Variants in NLRP3 observed in about 807,000 individuals in gnomAD.
NLRP3 encodes NACHT, LRR and PYD domains-containing protein 3.
NLRP3 carries 48 observed loss-of-function variants against 91.3 expected under a neutral mutation model. The ratio of observed to expected loss-of-function variants is 0.53; its 90% confidence interval spans 0.42 to 0.67. The LOEUF (loss-of-function observed/expected upper bound fraction) is 0.67. Ranked by LOEUF, NLRP3 falls within the 30% of genes least tolerant of loss-of-function variation. The pLI is 0.00. For missense variants in NLRP3, 982 were observed against 1,276.9 expected (o/e 0.77, Z 3.52); for synonymous variants, 561 against 507.9 (o/e 1.10, Z -1.41).
At chr1:247,416,997 G>T (rs1277034610) in intron 1 of NLRP3, among the ~76,000 whole-genome samples, 1 of 152,176 alleles carries the variant, frequency 6.6e-6, no homozygotes, top group Non-Finnish European at 1.5e-5. Context: ...AAGCCAACTT[G>T]TTCATCCATC....
chr1:247,433,228 AAG>A (rs1663477540), intron 5 of NLRP3, among the ~76,000 whole-genome samples: 2 of 152,024 alleles, frequency 1.3e-5, no homozygotes, highest in Non-Finnish European at 2.9e-5. Flanking sequence ...AAGAAAAGAA[AAG>A]AAAAAGAATC....
intron 4 of NLRP3, among the ~76,000 whole-genome samples, chr1:247,427,364 G>T (rs1051952698): frequency 9.9e-5 from 15 of 152,246 alleles, no homozygotes; most frequent in Non-Finnish European, 1.5e-4. Flanking sequence ...GTAAGACAGA[G>T]AGAAAAGTAG....
intron 7 of NLRP3, among the ~76,000 whole-genome samples, chr1:247,443,576 G>T (rs77331373): frequency 1.6e-5 from 1 of 61,318 alleles, no homozygotes; most frequent in Non-Finnish European, 4.2e-5. Flanking sequence ...AAAAAAAAAA[G>T]GCCCCTGCAG....
chr1:247,441,624 G>A (rs113683562), intron 7 of NLRP3, among the ~76,000 whole-genome samples: 11 of 152,000 alleles, frequency 7.2e-5, no homozygotes, highest in African/African-American at 2.7e-4. Flanking sequence ...CAAGATATCC[G>A]TGCTTGGTAA....
chr1:247,444,565 A>G, intron 8 of NLRP3, 86 bp from the exon 9 acceptor site: 1 of 1,471,506 alleles, frequency 6.8e-7, no homozygotes, highest in Non-Finnish European at 9.5e-7. Flanking sequence ...TTCCACCTGA[A>G]ACAAGACAGG....
intron 6 of NLRP3, 138 bp downstream of exon 6, chr1:247,434,411 G>A (rs1572201554): frequency 1.2e-6 from 1 of 869,310 alleles, no homozygotes; most frequent in Non-Finnish European, 1.9e-6. Flanking sequence ...CTTGTCTTGG[G>A]GTGTCTAGCA....
chr1:247,429,771 T>C lies in NLRP3; in HGVS notation c.2321+16T>C, dbSNP rs748309910. Reference sequence around the variant, plus strand: ...GGAGATTGTGGTGAGTCCCCGTGCATGTGATCTGTGTGAGTGCAAGTTCAT... The same window carrying C: ...GGAGATTGTGGTGAGTCCCCGTGCACGTGATCTGTGTGAGTGCAAGTTCAT... On this transcript the variant is annotated intron_variant, in intron 5 of 9. Coordinates refer to ENST00000336119, the MANE Select transcript of NLRP3 (RefSeq NM_001243133.2). 8.7e-6 allele frequency: 14 copies of C among 1,612,884 alleles called. No individual in the cohort carries two copies. Among genetic ancestry groups the C allele is most frequent in the Middle Eastern group, 1.9e-4 (1 of 5,230 alleles).
rs1572167035 is a variant in NLRP3 at position 247,423,860 on chromosome 1, G to T, written c.411G>T (p.Lys137Asn). The T allele has an allele frequency of 6.2e-7, 1 of 1,613,910 alleles. No homozygotes were observed. Among genetic ancestry groups the T allele is most frequent in the Admixed American group, 1.7e-5 (1 of 60,000 alleles). ...TCTTTGCCGTAGATTACCGTAAGAA[G>T]TACAGAAAGTACGTGAGAAGCAGAT... is the stretch of plus-strand genomic sequence containing the variant. ...ICKMKKDYRK[K>N]YRKYVRSRFQ... Residue 137 changes from lysine to asparagine, a missense_variant, in exon 4 of 10, where the codon AAG (lysine) becomes AAT (asparagine). Transcript: ENST00000336119.
chr1:247,419,302 T>G (rs1662290086), intron 2 of NLRP3, among the ~76,000 whole-genome samples: 1 of 151,868 alleles, frequency 6.6e-6, no homozygotes, highest in East Asian at 1.9e-4. Flanking sequence ...TTACAGGCAT[T>G]GCACCTCCAC....
intron 7 of NLRP3, among the ~76,000 whole-genome samples, chr1:247,441,069 ATTCCTTCCTTCC>A (rs34747357): frequency 6.8e-6 from 1 of 147,690 alleles, no homozygotes; most frequent in Non-Finnish European, 1.5e-5. Flanking sequence ...TCTTCTTCAG[ATTCCTTCCTTCC>A]TTCCTTCCTT....
At chr1:247,427,187 G>C (rs1259832650) in intron 4 of NLRP3, among the ~76,000 whole-genome samples, 1 of 152,036 alleles carries the variant, frequency 6.6e-6, no homozygotes, top group East Asian at 1.9e-4. Flanking sequence ...CAGCTCTCTG[G>C]GGTCCCTTTC....
intron 7 of NLRP3, among the ~76,000 whole-genome samples, chr1:247,443,680 G>A (rs776772679): frequency 6.6e-5 from 10 of 152,184 alleles, no homozygotes; most frequent in Non-Finnish European, 7.4e-5. Flanking sequence ...ACTCCTGGCC[G>A]GAGGAAAGCT....
At chr1:247,434,645 C>T (rs907713130) in intron 6 of NLRP3, among the ~76,000 whole-genome samples, 2 of 152,080 alleles carry the variant, frequency 1.3e-5, no homozygotes, top group Non-Finnish European at 2.9e-5. Flanking sequence ...CAATGCAGAC[C>T]CTCGATGTTG....
rs1266125404 is a variant in NLRP3 at position 247,425,935 on chromosome 1, G to A, written c.2150+336G>A. 4.7e-5 allele frequency: 17 copies of A among 365,134 alleles called. No homozygotes were observed. In the Admixed American group the frequency reaches 6.6e-4, roughly 14 times the overall value. The allele number at this position is 365,134 out of a possible 1,614,324, so 22.6% of individuals were successfully genotyped here. Reference sequence around the variant, plus strand: ...TTGGAGCACTAGTGCCTAAGAGTCAGTCAATGTCTGTGGGGCAGAACAATG... The same window carrying A: ...TTGGAGCACTAGTGCCTAAGAGTCAATCAATGTCTGTGGGGCAGAACAATG... On this transcript the variant is annotated intron_variant, in intron 4 of 9. Coordinates refer to ENST00000336119, the MANE Select transcript of NLRP3 (RefSeq NM_001243133.2). The surrounding 1 kb of genome is among the most constrained non-coding windows in gnomAD (Gnocchi z 4.1).
chr1:247,424,142 A>T lies in NLRP3; in HGVS notation c.693A>T (p.Thr231=). 1 of 1,614,066 alleles carries T rather than the reference A, an allele frequency of 6.2e-7. No individual in the cohort carries two copies. The highest frequency in any genetic ancestry group is 8.5e-7 in the Non-Finnish European group (1 of 1,180,022). The stretch of plus-strand genomic sequence containing the variant: ...AGGGGGCGGCAGGGATTGGGAAAAC[A>T]ATCCTGGCCAGGAAGATGATGTTGG... The part of the protein sequence containing the change: ...VFQGAAGIGK[T]ILARKMMLDW... The change falls in exon 4 of 10, where the codon ACA becomes ACT. Residue 231 remains threonine, a synonymous_variant. Transcript: ENST00000336119. This position sits in a 1 kb window ranked among gnomAD's most constrained non-coding sequence, Gnocchi z 8.1.
intron 1 of NLRP3, among the ~76,000 whole-genome samples, chr1:247,417,772 G>C (rs1396849795): frequency 2.0e-5 from 3 of 152,076 alleles, no homozygotes; most frequent in Non-Finnish European, 1.5e-5. Context: ...AGGGATGTAT[G>C]TTTTTATTAT....
At chr1:247,441,145 T>C (rs111307268) in intron 7 of NLRP3, among the ~76,000 whole-genome samples, 47,159 of 128,050 alleles carry the variant, frequency 0.37, 8,649 homozygotes, top group East Asian at 0.53. Flanking sequence ...CTTTCTTTCT[T>C]TCTCTCTCTC....
intron 5 of NLRP3, among the ~76,000 whole-genome samples, chr1:247,432,382 G>A (rs1414314418): frequency 6.6e-6 from 1 of 151,942 alleles, no homozygotes; most frequent in African/African-American, 2.4e-5. Context: ...TTTCACTTAA[G>A]GTAATGGCCT....
At chr1:247,439,014 G>GTCAA (rs1664010594) in intron 7 of NLRP3, among the ~76,000 whole-genome samples, 6 of 23,072 alleles carry the variant, frequency 2.6e-4, no homozygotes, top group Admixed American at 1.8e-3. Flanking sequence ...TTTTCCATCC[G>GTCAA]TCAATCCATC....
Sources: gnomAD v4.1 joint callset for allele counts (sites outside exome capture counted in the v4.1 genomes callset) on GRCh38, gnomAD v4.1.1 for gene constraint, Gnocchi (gnomAD v3.1) non-coding constraint, MANE v1.5 for transcripts, NCBI Gene and HGNC (gene_info 2026-07-23, HGNC 2026-07-21) for gene names.